PCDHA3: variants seen among roughly 807,000 people sequenced by gnomAD.
PCDHA3 encodes protocadherin alpha-3.
In PCDHA3, 41 loss-of-function variants were observed where a neutral mutation model predicts 62.2. That is an observed-to-expected ratio of 0.66 (90% confidence interval 0.51 to 0.86). The LOEUF (loss-of-function observed/expected upper bound fraction) is 0.86. Among genes scored for constraint, PCDHA3 ranks in the 40% least tolerant of loss-of-function variants. The probability of loss-of-function intolerance (pLI) is 0.00; values close to 1 mark genes in which losing one functional copy is unlikely to be tolerated. For synonymous variants in PCDHA3, 640 were observed against 555.4 expected (o/e 1.15, Z -2.14); for missense variants, 1,304 against 1,241.2 (o/e 1.05, Z -0.76).
At chr5:140,842,023 T>C (rs1777651230) in intron 1 of PCDHA3, 1 of 1,613,718 alleles carries the variant, frequency 6.2e-7, no homozygotes, top group Non-Finnish European at 8.5e-7. Context: ...CAGTGCTGGA[T>C]GTGAATGATA....
chr5:140,813,069 T>C (rs953340812), intron 1 of PCDHA3: 5 of 152,220 alleles, frequency 3.3e-5, no homozygotes, highest in African/African-American at 1.2e-4. Context: ...GTGTGATTTA[T>C]CCTGGAAAAT....
rs1169646324 is a variant in PCDHA3 at position 141,011,134 on chromosome 5, ATACACAACCT to A, written c.*1199_*1208del. The A allele has an allele frequency of 6.5e-6, 1 of 153,688 alleles. No homozygotes were observed. Among genetic ancestry groups the A allele is most frequent in the East Asian group, 1.9e-4 (1 of 5,194 alleles). The allele number at this position is 153,688 out of a possible 1,614,324, so 9.5% of individuals were successfully genotyped here. ...CTAAGAAACAATTATGTGCACTTTG[ATACACAACCT>A]TCTCTAACCAACTATATATCAAGAC... On this transcript the variant is annotated 3_prime_UTR_variant, in exon 4 of 4. Transcript: ENST00000522353.
chr5:140,926,891 G>A, intron 1 of PCDHA3: 9 of 1,545,914 alleles, frequency 5.8e-6, no homozygotes, highest in Non-Finnish European at 7.9e-6. Context: ...CCTAGAGGGA[G>A]GATGGTGGGC....
At chr5:140,924,881 C>T (rs1177812297) in intron 1 of PCDHA3, among the ~76,000 whole-genome samples, 20 of 141,170 alleles carry the variant, frequency 1.4e-4, no homozygotes, top group African/African-American at 5.5e-4. Flanking sequence ...GGTGACAGAG[C>T]AAGAACCTGT....
chr5:140,877,377 C>T (rs575601254), intron 1 of PCDHA3: 2 of 1,614,008 alleles, frequency 1.2e-6, no homozygotes, highest in Non-Finnish European at 1.7e-6. Context: ...GCACGACACG[C>T]ATCCTGGATG....
In PCDHA3 at chr5:140,929,079, T is replaced by G. The variant is rs76301676; in HGVS notation, c.2395-49870T>G. 5,184 of 1,614,178 alleles carry G rather than the reference T, an allele frequency of 3.2e-3. 26 individuals are homozygous for G. Among genetic ancestry groups the G allele is most frequent in the African/African-American group, 0.019 (1,450 of 75,034 alleles). On this transcript the variant is annotated intron_variant, in intron 1 of 3. Transcript: ENST00000522353. ...CTACAGAGGATCTGAGGTATGGAAGTAAGATGGTTTCAAATCCTTGCATGA... is the reference window on the plus strand; with the variant it reads ...CTACAGAGGATCTGAGGTATGGAAGGAAGATGGTTTCAAATCCTTGCATGA...
At chr5:140,926,268 T>A (rs1166651492) in intron 1 of PCDHA3, 1 of 152,208 alleles carries the variant, frequency 6.6e-6, no homozygotes, top group Non-Finnish European at 1.5e-5. Context: ...TCTCGCCGCC[T>A]CCGCTCGGCA....
chr5:141,008,679 T>C (rs950831628), intron 3 of PCDHA3, among the ~76,000 whole-genome samples: 4 of 152,238 alleles, frequency 2.6e-5, no homozygotes, highest in South Asian at 4.1e-4. Context: ...TATACTTTAG[T>C]TATTGCATGT....
intron 1 of PCDHA3, among the ~76,000 whole-genome samples, chr5:140,937,621 GAAAA>G (rs1276369305): frequency 1.4e-5 from 2 of 142,038 alleles, no homozygotes; most frequent in Non-Finnish European, 3.1e-5. Context: ...CATCTAAAAA[GAAAA>G]AGAAAGGCAG....
At position 140,876,752 on chromosome 5, in the gene PCDHA3, C is replaced by G. The variant is rs374137138; in HGVS notation, c.2394+73161C>G. On this transcript the variant is annotated intron_variant, in intron 1 of 3. Coordinates refer to ENST00000522353, the MANE Select transcript of PCDHA3 (RefSeq NM_018906.3). ...TCGGCCTATGAGCTGGTGGTGACTGCGCGGGATGGGGGCTCGCCTTCGCTG... is the reference window on the plus strand; with the variant it reads ...TCGGCCTATGAGCTGGTGGTGACTGGGCGGGATGGGGGCTCGCCTTCGCTG... 1.4e-5 allele frequency: 23 copies of G among 1,614,194 alleles called. No homozygotes were observed. The African/African-American group carries it at 2.8e-4, about 20-fold the overall frequency.
intron 1 of PCDHA3, among the ~76,000 whole-genome samples, chr5:140,922,408 T>C (rs2080827805): frequency 6.6e-6 from 1 of 152,196 alleles, no homozygotes; most frequent in Non-Finnish European, 1.5e-5. Context: ...ATTAAAAAGA[T>C]CTAGGTACAG....
At chr5:140,983,392 C>T (rs1190599444) in intron 3 of PCDHA3, among the ~76,000 whole-genome samples, 2 of 152,150 alleles carry the variant, frequency 1.3e-5, no homozygotes, top group African/African-American at 2.4e-5. Context: ...TGGCAGTTTT[C>T]AGAAAGGGAA....
At chr5:141,006,745 T>C (rs1554260891) in intron 3 of PCDHA3, among the ~76,000 whole-genome samples, 1 of 152,144 alleles carries the variant, frequency 6.6e-6, no homozygotes, top group Non-Finnish European at 1.5e-5. Flanking sequence ...TGATGTATTA[T>C]AAATGGAGAA....
At chr5:140,834,441 A>T in intron 1 of PCDHA3, 1 of 1,613,992 alleles carries the variant, frequency 6.2e-7, no homozygotes, top group Non-Finnish European at 8.5e-7. Context: ...GTTTATTATA[A>T]TTCTAGCAGC....
In PCDHA3 at chr5:140,801,535, C is replaced by T. The variant is rs1343853054; in HGVS notation, c.338C>T (p.Pro113Leu). 7 of 1,614,076 alleles carry T rather than the reference C, an allele frequency of 4.3e-6. No homozygotes were observed. Among genetic ancestry groups the T allele is most frequent in the African/African-American group, 2.7e-5 (2 of 74,930 alleles). Residue 113 changes from proline to leucine, a missense_variant, in exon 1 of 4, where the codon CCG becomes CTG. Transcript: ENST00000522353. ...CACCTGGAGGTGATCGTGGACAGGCCGCTGCAGGTTTTCCATGTGGAGGTG... is the reference window on the plus strand; with the variant it reads ...CACCTGGAGGTGATCGTGGACAGGCTGCTGCAGGTTTTCCATGTGGAGGTG... ...SIHLEVIVDR[P>L]LQVFHVEVEV...
chr5:140,903,859 T>C (rs2070674942), intron 1 of PCDHA3, among the ~76,000 whole-genome samples: 1 of 152,186 alleles, frequency 6.6e-6, no homozygotes, highest in Non-Finnish European at 1.5e-5. Context: ...ACAAATAATA[T>C]AGAGTAAAAT....
chr5:140,968,405 G>A, intron 1 of PCDHA3: 1 of 1,614,002 alleles, frequency 6.2e-7, no homozygotes, highest in Non-Finnish European at 8.5e-7. Flanking sequence ...GGAGTTCTTT[G>A]TGACTGTGGA....
chr5:140,883,997 G>A, intron 1 of PCDHA3: 1 of 1,613,014 alleles, frequency 6.2e-7, no homozygotes, highest in Non-Finnish European at 8.5e-7. Context: ...GGGAGGCACA[G>A]TGAGCGAGCT....
intron 1 of PCDHA3, among the ~76,000 whole-genome samples, chr5:140,971,090 T>G (rs1554233007): frequency 1.3e-5 from 2 of 152,204 alleles, no homozygotes. Context: ...TAACAAATTC[T>G]TGTGAAGCCC....
Sources: allele counts gnomAD v4.1 joint callset (sites outside exome capture counted in the v4.1 genomes callset), GRCh38; gene constraint gnomAD v4.1.1; transcripts MANE v1.5; gene names NCBI Gene and HGNC (gene_info 2026-07-23, HGNC 2026-07-21).